ANO4: variants seen among roughly 807,000 people sequenced by gnomAD.
ANO4 encodes anoctamin 4.
In ANO4, 69 loss-of-function variants were observed where a neutral mutation model predicts 141.9. The observed-to-expected ratio is 0.49, with a 90% CI of 0.40 to 0.59. The LOEUF (loss-of-function observed/expected upper bound fraction) is 0.59, where lower values mean the gene tolerates loss of function less well. Ranked by LOEUF, ANO4 falls within the 20% of genes least tolerant of loss-of-function variation. The pLI is 0.00. For missense variants in ANO4, 894 were observed against 1,162.2 expected (o/e 0.77, Z 3.36); for synonymous variants, 350 against 394.3 (o/e 0.89, Z 1.33).
At chr12:101,034,148 A>G (rs980369775) in intron 9 of ANO4, among the ~76,000 whole-genome samples, 7 of 152,216 alleles carry the variant, frequency 4.6e-5, no homozygotes, top group Admixed American at 2.0e-4. Context: ...GTGTATACCT[A>G]AAGGAATATA....
At chr12:100,806,083 T>C (rs2035004606) in intron 1 of ANO4, among the ~76,000 whole-genome samples, 1 of 152,172 alleles carries the variant, frequency 6.6e-6, no homozygotes, top group African/African-American at 2.4e-5. Flanking sequence ...AGGCTACAGC[T>C]TGCAGTTTCC....
intron 5 of ANO4, among the ~76,000 whole-genome samples, chr12:100,947,450 C>T (rs949835548): frequency 6.6e-6 from 1 of 152,186 alleles, no homozygotes; most frequent in African/African-American, 2.4e-5. Context: ...TCTAAGACCC[C>T]ATACCTTCTC....
chr12:100,846,397 T>C (rs910274358), intron 1 of ANO4, among the ~76,000 whole-genome samples: 2 of 152,224 alleles, frequency 1.3e-5, no homozygotes, highest in Non-Finnish European at 2.9e-5. Context: ...ATGGTAACAT[T>C]TTGAAAAACT....
At chr12:101,021,730 A>C (rs1386511579) in intron 9 of ANO4, among the ~76,000 whole-genome samples, 1 of 152,218 alleles carries the variant, frequency 6.6e-6, no homozygotes, top group Non-Finnish European at 1.5e-5. Flanking sequence ...CTTTTAAAAA[A>C]TATTTACTAA....
At chr12:100,845,905 T>A (rs935884494) in intron 1 of ANO4, among the ~76,000 whole-genome samples, 16 of 151,944 alleles carry the variant, frequency 1.1e-4, no homozygotes, top group African/African-American at 3.9e-4. Context: ...CTAAAGGGAG[T>A]GAATGACCCA....
chr12:100,922,973 A>G (rs1210943284), intron 3 of ANO4, among the ~76,000 whole-genome samples: 2 of 152,134 alleles, frequency 1.3e-5, no homozygotes, highest in Non-Finnish European at 2.9e-5. Flanking sequence ...AGTCATTACC[A>G]TTGATATTTC....
intron 14 of ANO4, among the ~76,000 whole-genome samples, chr12:101,069,607 A>G (rs1279268264): frequency 6.6e-6 from 1 of 152,190 alleles, no homozygotes; most frequent in African/African-American, 2.4e-5. Context: ...GGTGCCAGTT[A>G]CAGCAGGTGA....
At chr12:100,755,403 A>T (rs2032562345) in intron 3 of ANO4, among the ~76,000 whole-genome samples, 1 of 152,168 alleles carries the variant, frequency 6.6e-6, no homozygotes, top group South Asian at 2.1e-4. Flanking sequence ...ATGATTAGCC[A>T]CCATGAATCA....
At chr12:100,808,828 A>T (rs1363749466) in intron 1 of ANO4, among the ~76,000 whole-genome samples, 1 of 152,214 alleles carries the variant, frequency 6.6e-6, no homozygotes, top group East Asian at 1.9e-4. Flanking sequence ...TGATCTAACT[A>T]TAAAAACGTA....
rs574160508 is a variant in ANO4, at chr12:100,908,280, C to T, written c.55+6440C>T. 1.3e-3 allele frequency among the ~76,000 whole-genome samples: 192 copies of T among 152,232 alleles called. 1 individual carries two copies. Among genetic ancestry groups the T allele is most frequent in the African/African-American group, 4.3e-3 (179 of 41,548 alleles). On this transcript the variant is annotated intron_variant, in intron 2 of 27. Transcript: ENST00000392977. ...AGGAGAATCACTTGAACTCGGGAGG[C>T]GGAGGTTGCGGTGTGCCAAGATTGC...
intron 1 of ANO4, among the ~76,000 whole-genome samples, chr12:100,890,872 A>C (rs4764628): frequency 0.031 from 4,721 of 152,306 alleles, 104 homozygotes; most frequent in Non-Finnish European, 0.049. Flanking sequence ...AATTTATTAC[A>C]ATATGTATGC....
At chr12:100,755,868 T>C (rs1171998793) in intron 3 of ANO4, among the ~76,000 whole-genome samples, 1 of 152,174 alleles carries the variant, frequency 6.6e-6, no homozygotes, top group Non-Finnish European at 1.5e-5. Flanking sequence ...TTAACCACTT[T>C]CTCTGTGCTA....
At chr12:100,778,488 T>G (rs2033607468) in intron 3 of ANO4, among the ~76,000 whole-genome samples, 1 of 152,164 alleles carries the variant, frequency 6.6e-6, no homozygotes, top group Admixed American at 6.5e-5. Context: ...GCAAGAATCC[T>G]AGTCAGATAA....
chr12:100,883,078 C>T (rs1007916152), intron 1 of ANO4, among the ~76,000 whole-genome samples: 6 of 152,094 alleles, frequency 3.9e-5, no homozygotes, highest in South Asian at 4.1e-4. Flanking sequence ...AGCCAAGCTG[C>T]GACACAAGTA....
At chr12:100,717,444 G>C (rs993833199), upstream of ANO4, 1 of 394,588 alleles carries the variant, frequency 2.5e-6, no homozygotes, top group Non-Finnish European at 4.5e-6. Flanking sequence ...TGCACTCGCC[G>C]GGCCGGGCCG....
At chr12:100,923,248 T>G (rs2041711146) in intron 3 of ANO4, among the ~76,000 whole-genome samples, 1 of 152,098 alleles carries the variant, frequency 6.6e-6, no homozygotes, top group African/African-American at 2.4e-5. Context: ...CAACTCGTCA[T>G]TTATATTAGA....
chr12:100,829,763 C>T (rs927342707), intron 1 of ANO4, among the ~76,000 whole-genome samples: 4 of 152,154 alleles, frequency 2.6e-5, no homozygotes, highest in Admixed American at 6.5e-5. Context: ...GTGAGCTGCA[C>T]ACAAAACCTT....
At chr12:101,096,400 C>G in intron 18 of ANO4, 136 bp from the exon 19 acceptor site, 1 of 639,266 alleles carries the variant, frequency 1.6e-6, no homozygotes. Flanking sequence ...ACACGCCATC[C>G]GTGGGTAAAC....
At chr12:100,797,130 G>GTA (rs57640251) in intron 1 of ANO4, among the ~76,000 whole-genome samples, 58,319 of 149,098 alleles carry the variant, frequency 0.39, 11,416 homozygotes, top group Middle Eastern at 0.49. Flanking sequence ...ATATGTGTGT[G>GTA]TATATATATA....
Sources: gnomAD v4.1 joint callset for allele counts (sites outside exome capture counted in the v4.1 genomes callset) on GRCh38, gnomAD v4.1.1 for gene constraint, MANE v1.5 for transcripts, NCBI Gene and HGNC (gene_info 2026-07-23, HGNC 2026-07-21) for gene names.